The following IGFL3 variants were observed in gnomAD, a reference collection of about 807,000 sequenced individuals.
IGFL3 encodes IGF like family member 3.
Under a neutral mutation model 17.0 loss-of-function variants are expected in IGFL3, and 12 were observed. The ratio of observed to expected loss-of-function variants is 0.71; its 90% CI spans 0.45 to 1.14. IGFL3 has a LOEUF of 1.14. Among genes scored for constraint, IGFL3 ranks in the 50% most tolerant of loss-of-function variants. The probability of loss-of-function intolerance (pLI) is 0.00; values close to 1 mark genes in which losing one functional copy is unlikely to be tolerated. For synonymous variants in IGFL3, 52 were observed against 57.4 expected (o/e 0.91, Z 0.42); for missense variants, 153 against 151.6 (o/e 1.01, Z -0.05).
In IGFL3 at chr19:46,124,682, G is replaced by A; in HGVS notation, c.-33C>T. On this transcript the variant is annotated 5_prime_UTR_variant, in exon 1 of 4. Transcript: ENST00000341415. ...AAGATGCTCTAGGAGAATTGAAGAA[G>A]AGTGGTAAAAGGCTGGAACTTATGG... 2 of 1,600,864 alleles carry A rather than the reference G, an allele frequency of 1.2e-6. No individual in the cohort carries two copies. Among genetic ancestry groups the A allele is most frequent in the Non-Finnish European group, 1.7e-6 (2 of 1,170,706 alleles).
Position 46,124,629 on chromosome 19 carries a change from G to A in IGFL3, c.21C>T (p.Ile7=). 6.2e-7 allele frequency: 1 copy of A among 1,609,080 alleles called. No individual in the cohort carries two copies. The highest frequency in any genetic ancestry group is 8.5e-7 in the Non-Finnish European group (1 of 1,177,678). The change falls in exon 1 of 4, where the codon ATC becomes ATT. Residue 7 remains isoleucine, a synonymous_variant. Coordinates refer to ENST00000341415, the MANE Select transcript of IGFL3 (RefSeq NM_207393.2). ...TGGATTTGGGGTCCTACTTGCCCAA[G>A]ATGCAGCATCGTGGCCTCATGCTTC... is the stretch of plus-strand genomic sequence containing the variant. The part of the protein sequence containing the change: MRPRCC[I]LALVCWITVF...
chr19:46,121,395 A>G lies in IGFL3; in HGVS notation c.351-1038T>C, dbSNP rs577762165. Among the ~76,000 whole-genome samples, 16 of 22,438 alleles carry G rather than the reference A, an allele frequency of 7.1e-4. 1 individual carries two copies. Among genetic ancestry groups the G allele is most frequent in the African/African-American group, 1.3e-3 (3 of 2,270 alleles). The allele number at this position is 22,438 out of a possible 152,430, so 14.7% of individuals were successfully genotyped here. On this transcript the variant is annotated intron_variant, in intron 3 of 3. Coordinates refer to ENST00000341415, the MANE Select transcript of IGFL3 (RefSeq NM_207393.2). Reference sequence around the variant, plus strand: ...GGTGACAAAGTGAGATCCTGTCTTGAAAAAAAAAAAAAAAGAAGAAGAAAA... The same window carrying G: ...GGTGACAAAGTGAGATCCTGTCTTGGAAAAAAAAAAAAAAGAAGAAGAAAA...
chr19:46,124,557 C>A, intron 1 of IGFL3, 68 bp downstream of exon 1: 2 of 1,395,966 alleles, frequency 1.4e-6, no homozygotes, highest in Non-Finnish European at 2.0e-6. Context: ...AGGAATAAAT[C>A]GGGTTGAGGT....
intron 3 of IGFL3, among the ~76,000 whole-genome samples, chr19:46,122,325 T>C (rs1200544018): frequency 6.6e-6 from 1 of 151,068 alleles, no homozygotes; most frequent in Non-Finnish European, 1.5e-5. Context: ...ATTTTTGATA[T>C]TTAGGACAAA....
rs372778520 is a variant in IGFL3 at position 46,124,080 on chromosome 19, C to T, written c.156G>A (p.Glu52=). Residue 52 remains glutamate, a synonymous_variant, in exon 3 of 4, where the codon GAG becomes GAA. Transcript: ENST00000341415. ...RCGNKIYNPS[E]QCCYDDAILS... is the part of the protein sequence containing the mutation. ...AGATGGCATCATCATAACAGCACTG[C>T]TCTGAAGGGTTGTAGATCTTGTTCC... 180 of 1,611,532 alleles carry T rather than the reference C, an allele frequency of 1.1e-4. 1 individual carries two copies. The highest frequency in any genetic ancestry group is 1.5e-4 in the Non-Finnish European group (177 of 1,179,688).
rs370885303 is a variant in IGFL3, at chr19:46,120,291, C to G, written c.*39G>C. ...CCGATGTCCAGCTGCTTCGTCTCTT[C>G]TCCCCTTGTCTGCCGTCTGCCAGTG... is the stretch of plus-strand genomic sequence containing the variant. On this transcript the variant is annotated 3_prime_UTR_variant, in exon 4 of 4. Transcript: ENST00000341415. 6.2e-7 allele frequency: 1 copy of G among 1,610,020 alleles called. No individual in the cohort carries two copies. The highest frequency in any genetic ancestry group is 8.5e-7 in the Non-Finnish European group (1 of 1,179,238).
chr19:46,120,855 A>T (rs915059448), intron 3 of IGFL3, among the ~76,000 whole-genome samples: 1 of 150,922 alleles, frequency 6.6e-6, no homozygotes, highest in East Asian at 2.0e-4. Flanking sequence ...AAGGTAATAG[A>T]TATGTTAATT....
At chr19:46,123,845 T>A in intron 3 of IGFL3, 41 bp downstream of exon 3, 1 of 1,562,386 alleles carries the variant, frequency 6.4e-7, no homozygotes, top group Non-Finnish European at 8.7e-7. Context: ...CCCTCATCCC[T>A]CCCTCATTCC....
At chr19:46,124,382 CA>C (rs1283269947) in intron 1 of IGFL3, 61 bp from the exon 2 acceptor site, 1 of 1,445,662 alleles carries the variant, frequency 6.9e-7, no homozygotes, top group Non-Finnish European at 9.6e-7. Flanking sequence ...ATGGAAAAAA[CA>C]AACAAACAAA....
Position 46,124,666 on chromosome 19 carries a change from T to C in IGFL3, c.-17A>G. On this transcript the variant is annotated 5_prime_UTR_variant, in exon 1 of 4. Transcript: ENST00000341415. ...TGGCCTCATGCTTCCAAAGATGCTC[T>C]AGGAGAATTGAAGAAGAGTGGTAAA... is the stretch of plus-strand genomic sequence containing the variant. 6.2e-7 allele frequency: 1 copy of C among 1,606,854 alleles called. No individual in the cohort carries two copies. The highest frequency in any genetic ancestry group is 8.5e-7 in the Non-Finnish European group (1 of 1,175,828).
chr19:46,121,580 A>G (rs1184115202), intron 3 of IGFL3, among the ~76,000 whole-genome samples: 1 of 150,512 alleles, frequency 6.6e-6, no homozygotes, highest in East Asian at 2.0e-4. Context: ...ACAAGAAGAG[A>G]GGAAAGATGT....
In IGFL3 at chr19:46,120,985, AT is replaced by A. The variant is rs923545338; in HGVS notation, c.351-629del. Among the ~76,000 whole-genome samples the A allele has an allele frequency of 1.0e-3, 153 of 150,906 alleles. 6 individuals are homozygous for A. Among genetic ancestry groups the A allele is most frequent in the African/African-American group, 3.5e-3 (144 of 40,684 alleles). ...AATAAACTTAAGAAGCCTTAGGTTT[AT>A]TTTTAATTCATATCCAACTTGTAGC... On this transcript the variant is annotated intron_variant, in intron 3 of 3. Transcript: ENST00000341415.
In IGFL3 at chr19:46,120,453, C is replaced by T. The variant is rs1259613754; in HGVS notation, c.351-96G>A. 10 of 1,547,826 alleles carry T rather than the reference C, an allele frequency of 6.5e-6. 1 individual carries two copies. Among genetic ancestry groups the T allele is most frequent in the Non-Finnish European group, 8.8e-6 (10 of 1,139,560 alleles). ...GCAATTTTAACAAACTTGACTTTAA[C>T]AGACTTGACTGCTACACCAGATGTG... On this transcript the variant is annotated intron_variant, in intron 3 of 3. Transcript: ENST00000341415.
At position 46,124,030 on chromosome 19, in the gene IGFL3, C is replaced by T. The variant is rs1471454618; in HGVS notation, c.206G>A (p.Cys69Tyr). ...GGGCCAGAAGGTGCAGGTGGAGCCA[C>T]AGCGGCGGGTCTCCTTTAAGGATAA... ...AILSLKETRR[C>Y]GSTCTFWPCF... Residue 69 changes from cysteine (C) to tyrosine (Y), a missense_variant, in exon 3 of 4, where the codon TGT (cysteine) becomes TAT (tyrosine). Transcript: ENST00000341415. 1.2e-6 allele frequency: 2 copies of T among 1,611,498 alleles called. No homozygotes were observed. The highest frequency in any genetic ancestry group is 8.5e-7 in the Non-Finnish European group (1 of 1,179,688).
chr19:46,121,778 ACAG>A (rs1020979241), intron 3 of IGFL3, among the ~76,000 whole-genome samples: 2 of 150,948 alleles, frequency 1.3e-5, no homozygotes, highest in Non-Finnish European at 2.9e-5. Flanking sequence ...CAAAGGCAAA[ACAG>A]CAAGTGCGGA....
At position 46,120,198 on chromosome 19, in the gene IGFL3, C is replaced by T; in HGVS notation, c.*132G>A. 1.5e-6 allele frequency: 2 copies of T among 1,373,558 alleles called. No individual in the cohort carries two copies. The highest frequency in any genetic ancestry group is 2.0e-6 in the Non-Finnish European group (2 of 1,014,130). The allele number at this position is 1,373,558 out of a possible 1,614,324, so 85.1% of individuals were successfully genotyped here. On this transcript the variant is annotated 3_prime_UTR_variant, in exon 4 of 4. Coordinates refer to ENST00000341415, the MANE Select transcript of IGFL3 (RefSeq NM_207393.2). ...TGGCCATCCCCAGCTGGGCTCCTCTCCAAAGCTATGTCATTGAGCCATCCC... is the reference window on the plus strand; with the variant it reads ...TGGCCATCCCCAGCTGGGCTCCTCTTCAAAGCTATGTCATTGAGCCATCCC...
At chr19:46,121,215 C>CA (rs1467978355) in intron 3 of IGFL3, among the ~76,000 whole-genome samples, 2,047 of 145,746 alleles carry the variant, frequency 0.014, 61 homozygotes, top group Middle Eastern at 0.031. Flanking sequence ...CTGTCTCTAC[C>CA]AAAAAAAAAC....
rs566360130 is a variant in IGFL3 at position 46,124,231 on chromosome 19, C to T, written c.79+37G>A. ...TTCCCAGTCTCTTTTCCCAACACCA[C>T]CTCTTCCCTCCTCATTTTTCCCTGT... On this transcript the variant is annotated intron_variant, in intron 2 of 3. Transcript: ENST00000341415. 15 of 1,608,714 alleles carry T rather than the reference C, an allele frequency of 9.3e-6. 1 individual carries two copies. Among genetic ancestry groups the T allele is most frequent in the Non-Finnish European group, 1.3e-5 (15 of 1,177,572 alleles).
At chr19:46,122,433 G>A (rs1410192985) in intron 3 of IGFL3, among the ~76,000 whole-genome samples, 1 of 151,102 alleles carries the variant, frequency 6.6e-6, no homozygotes, top group Non-Finnish European at 1.5e-5. Flanking sequence ...AATAGGTGAA[G>A]TCATTTCCTG....
Sources: gnomAD v4.1 joint callset for allele counts (sites outside exome capture counted in the v4.1 genomes callset) on GRCh38, gnomAD v4.1.1 for gene constraint, MANE v1.5 for transcripts, NCBI Gene and HGNC (gene_info 2026-07-23, HGNC 2026-07-21) for gene names.